Variants in VAV2 observed in about 807,000 individuals in gnomAD.
VAV2 encodes vav guanine nucleotide exchange factor 2.
A neutral mutation model predicts 132.5 loss-of-function variants in VAV2; 67 were observed. The observed-to-expected ratio is 0.51, with a 90% CI of 0.42 to 0.62. The LOEUF is 0.62. Ranked by LOEUF, VAV2 falls within the 20% of genes least tolerant of loss-of-function variation. The probability of loss-of-function intolerance (pLI) is 0.00; values close to 1 mark genes in which losing one functional copy is unlikely to be tolerated. For synonymous variants in VAV2, 492 were observed against 443.5 expected, an observed-to-expected ratio of 1.11 and a Z score of -1.37; for missense variants, 938 against 1,153.6, an observed-to-expected ratio of 0.81 and a Z score of 2.71.
At chr9:133,862,107 T>C (rs1837617704) in intron 2 of VAV2, among the ~76,000 whole-genome samples, 1 of 152,216 alleles carries the variant, frequency 6.6e-6, no homozygotes, top group South Asian at 2.1e-4. Flanking sequence ...GAAGGTTTGG[T>C]GAGAAGCAGT....
chr9:133,860,156 G>A (rs1470007919), intron 3 of VAV2, among the ~76,000 whole-genome samples: 1 of 151,956 alleles, frequency 6.6e-6, no homozygotes, highest in Non-Finnish European at 1.5e-5. Context: ...CAAAAAATTA[G>A]CCGGGCGTGG....
chr9:133,805,955 G>T lies in VAV2; in HGVS notation c.836+126C>A, dbSNP rs1390796037. 7.8e-6 allele frequency: 8 copies of T among 1,024,718 alleles called. No homozygotes were observed. The African/African-American group carries it at 8.0e-5, about 10-fold the overall frequency. The allele number at this position is 1,024,718 out of a possible 1,614,324, so 63.5% of individuals were successfully genotyped here. A position where few individuals can be genotyped will look rare whatever the true frequency, so the allele number is the denominator to read the frequency against. On this transcript the variant is annotated intron_variant, in intron 9 of 29. Coordinates refer to ENST00000371850, the MANE Select transcript of VAV2 (RefSeq NM_001134398.2). Reference sequence around the variant, plus strand: ...GGCATCCTCAACAAGGGAGGACGGGGTCCAGAGGGGGCGGCCCCTGCCTCG... The same window carrying T: ...GGCATCCTCAACAAGGGAGGACGGGTTCCAGAGGGGGCGGCCCCTGCCTCG...
At chr9:133,805,980 G>T (rs945910406) in intron 9 of VAV2, 101 bp downstream of exon 9, 2 of 1,305,440 alleles carry the variant, frequency 1.5e-6, no homozygotes, top group East Asian at 2.5e-5. Context: ...CCCCTGCCTC[G>T]GGACACCCCA....
chr9:133,854,924 C>T (rs1837328662), intron 3 of VAV2, among the ~76,000 whole-genome samples: 1 of 152,220 alleles, frequency 6.6e-6, no homozygotes, highest in Non-Finnish European at 1.5e-5. Context: ...CAATTAAACC[C>T]ATCTTGCTGG....
intron 2 of VAV2, 25 bp downstream of exon 2, chr9:133,939,078 G>T: frequency 6.2e-7 from 1 of 1,608,152 alleles, no homozygotes. Context: ...CTGAGCGACC[G>T]AGGCTGGAGA....
chr9:133,807,447 C>T (rs1254613209), intron 7 of VAV2, 121 bp from the exon 8 acceptor site: 1 of 956,056 alleles, frequency 1.0e-6, no homozygotes, highest in Non-Finnish European at 1.5e-6. Flanking sequence ...TCCATGCTTA[C>T]TGGGGTAGCC....
In VAV2 at chr9:133,930,791, C is replaced by A. The variant is rs74937789; in HGVS notation, c.321+8312G>T. Among the ~76,000 whole-genome samples, 1,444 of 152,184 alleles carry A rather than the reference C, an allele frequency of 9.5e-3. 15 individuals carry two copies. Among genetic ancestry groups the A allele is most frequent in the African/African-American group, 0.033 (1,369 of 41,506 alleles). ...AGGAGGGAGGGGCAGCAGGAGAGGC[C>A]GGCACTCAGGTGACCGGTGGTGTGC... On this transcript the variant is annotated intron_variant, in intron 2 of 29. Transcript: ENST00000371850.
At position 133,935,885 on chromosome 9, in the gene VAV2, CA is replaced by C. The variant is rs778289196; in HGVS notation, c.321+3217del. Among the ~76,000 whole-genome samples the C allele has an allele frequency of 3.5e-4, 53 of 152,344 alleles. No individual in the cohort carries two copies. The highest frequency in any genetic ancestry group is 6.2e-4 in the South Asian group (3 of 4,826). On this transcript the variant is annotated intron_variant, in intron 2 of 29. Transcript: ENST00000371850. The surrounding 1 kb of genome is among the most constrained non-coding windows in gnomAD (Gnocchi z 5.2). Reference sequence around the variant, plus strand: ...TGTGCCAGCACCCAGCACACGGTCCCAGGGGGCCCGGTCCCCAGCCAGCTGT... The same window carrying C: ...TGTGCCAGCACCCAGCACACGGTCCCGGGGGCCCGGTCCCCAGCCAGCTGT...
intron 2 of VAV2, among the ~76,000 whole-genome samples, chr9:133,925,620 C>T (rs2261166): frequency 0.86 from 131,492 of 152,056 alleles, 57,881 homozygotes; most frequent in East Asian, 0.99. Context: ...TGTTTCGCCA[C>T]TGCCCTTGCT....
Position 133,991,297 on chromosome 9 carries a change from C to T in VAV2, c.204+778G>A, listed in dbSNP as rs1195501534. ...CTTAGCCAAGTTCCCTCTTAAGAGG[C>T]CAAGAAAAGCAGCTTCGTTCGGCTG... On this transcript the variant is annotated intron_variant, in intron 1 of 29. Transcript: ENST00000371850. The surrounding 1 kb of genome is among the most constrained non-coding windows in gnomAD (Gnocchi z 4.8). 2.0e-5 allele frequency among the ~76,000 whole-genome samples: 3 copies of T among 152,202 alleles called. No individual in the cohort carries two copies. The highest frequency in any genetic ancestry group is 7.2e-5 in the African/African-American group (3 of 41,464).
chr9:133,831,671 CG>C (rs1366266438), intron 4 of VAV2, among the ~76,000 whole-genome samples: 2 of 152,180 alleles, frequency 1.3e-5, no homozygotes, highest in Non-Finnish European at 2.9e-5. Context: ...CCCATCGTCC[CG>C]GAGCCCTCCT....
At position 133,787,229 on chromosome 9, in the gene VAV2, G is replaced by A. The variant is rs759425127; in HGVS notation, c.1422+17C>T. 4.4e-6 allele frequency: 7 copies of A among 1,575,710 alleles called. No individual in the cohort carries two copies. The African/African-American group carries it at 8.1e-5, about 18-fold the overall frequency. ...ATGATTGAGGCAGGTGGGAGGACCT[G>A]GGCGCTAGGTGCTTACCATTTTCCC... On this transcript the variant is annotated intron_variant, in intron 16 of 29. Transcript: ENST00000371850.
chr9:133,765,654 G>T (rs892694718), intron 29 of VAV2, among the ~76,000 whole-genome samples: 1 of 152,206 alleles, frequency 6.6e-6, no homozygotes, highest in Non-Finnish European at 1.5e-5. Flanking sequence ...GGAGAGAAGA[G>T]CTAGAGAAGA....
intron 3 of VAV2, among the ~76,000 whole-genome samples, chr9:133,845,207 C>A (rs1836884675): frequency 6.6e-6 from 1 of 152,252 alleles, no homozygotes; most frequent in South Asian, 2.1e-4. Flanking sequence ...CCACCCTGGC[C>A]AGAGGCAGAA....
chr9:133,976,490 T>C (rs1329223705), intron 1 of VAV2, among the ~76,000 whole-genome samples: 1 of 152,210 alleles, frequency 6.6e-6, no homozygotes, highest in Admixed American at 6.5e-5. Context: ...GCCTCGGGGT[T>C]GCAGTTGATG....
intron 2 of VAV2, among the ~76,000 whole-genome samples, chr9:133,892,566 C>G (rs755471575): frequency 6.6e-6 from 1 of 152,072 alleles, no homozygotes; most frequent in Non-Finnish European, 1.5e-5. Context: ...ATGCAGGGCT[C>G]GGCCAAAGGG....
At position 133,777,307 on chromosome 9, in the gene VAV2, A is replaced by G. The variant is rs28656238; in HGVS notation, c.1965+82T>C. The G allele has an allele frequency of 1.0e-3, 1,451 of 1,453,292 alleles. 15 individuals carry two copies. The African/African-American group carries it at 0.017, about 17-fold the overall frequency. 90.0% of individuals were successfully genotyped at this position (1,453,292 alleles called of 1,614,324 possible). On this transcript the variant is annotated intron_variant, in intron 23 of 29. Transcript: ENST00000371850. Reference sequence around the variant, plus strand: ...CAAGGATGTCCTGAACAAGCCAAAAATGTCCACGTGAGGAGGCAGCTCCCA... The same window carrying G: ...CAAGGATGTCCTGAACAAGCCAAAAGTGTCCACGTGAGGAGGCAGCTCCCA...
chr9:133,775,815 G>A (rs1833789774), intron 24 of VAV2, among the ~76,000 whole-genome samples: 1 of 152,252 alleles, frequency 6.6e-6, no homozygotes, highest in East Asian at 1.9e-4. Context: ...GCTGCCTACA[G>A]GAGAAGGACT....
At chr9:133,845,385 C>A (rs932648228) in intron 3 of VAV2, among the ~76,000 whole-genome samples, 1 of 152,214 alleles carries the variant, frequency 6.6e-6, no homozygotes, top group Non-Finnish European at 1.5e-5. Context: ...CAGGCAGGAT[C>A]CCTACTCGGA....
Sources: allele counts gnomAD v4.1 joint callset (sites outside exome capture counted in the v4.1 genomes callset), GRCh38; gene constraint gnomAD v4.1.1; non-coding constraint Gnocchi (gnomAD v3.1); transcripts MANE v1.5; gene names NCBI Gene and HGNC (gene_info 2026-07-23, HGNC 2026-07-21).